The following RFTN1 variants were observed in gnomAD, a reference collection of about 807,000 sequenced individuals.
The protein encoded by RFTN1 is raftlin.
In RFTN1, 26 loss-of-function variants were observed where a neutral mutation model predicts 46.5. That is an observed-to-expected ratio of 0.56 (90% CI 0.41 to 0.78). The LOEUF is 0.78. RFTN1 is among the 30% of genes least tolerant of loss of function. The probability of loss-of-function intolerance (pLI) is 0.00; values close to 1 mark genes in which losing one functional copy is unlikely to be tolerated. For missense variants in RFTN1, 693 were observed against 718.7 expected (o/e 0.96, Z 0.41); for synonymous variants, 261 against 284.2 (o/e 0.92, Z 0.82).
chr3:16,418,430 G>T lies in RFTN1; in HGVS notation c.333-8947C>A, dbSNP rs1430864755. ...ATGTCTTCTTTTTCCCAGGACAACA[G>T]GCAGTTATGAAAAGGAGAGAGAATG... On this transcript the variant is annotated intron_variant, in intron 3 of 9. Coordinates refer to ENST00000334133, the MANE Select transcript of RFTN1 (RefSeq NM_015150.2). This position sits in a 1 kb window ranked among gnomAD's most constrained non-coding sequence, Gnocchi z 5.0. Among the ~76,000 whole-genome samples the T allele has an allele frequency of 6.6e-6, 1 of 152,090 alleles. No individual in the cohort carries two copies. Among genetic ancestry groups the T allele is most frequent in the East Asian group, 1.9e-4 (1 of 5,192 alleles).
chr3:16,349,114 A>T (rs1293883841), intron 7 of RFTN1: 2 of 152,272 alleles, frequency 1.3e-5, no homozygotes, highest in African/African-American at 4.8e-5. Context: ...GGGAAGGGAA[A>T]TGACTTACCT....
At chr3:16,392,623 A>G (rs2074377907) in intron 4 of RFTN1, among the ~76,000 whole-genome samples, 1 of 149,544 alleles carries the variant, frequency 6.7e-6, no homozygotes, top group Admixed American at 6.7e-5. Context: ...ATATATAAGT[A>G]TATATTACTT....
intron 1 of RFTN1, among the ~76,000 whole-genome samples, chr3:16,505,836 C>A (rs2076795551): frequency 6.6e-6 from 1 of 152,204 alleles, no homozygotes; most frequent in South Asian, 2.1e-4. Context: ...CACACTCCTT[C>A]AAGGCTGAGC....
At chr3:16,393,503 T>C (rs751913281) in intron 4 of RFTN1, among the ~76,000 whole-genome samples, 5 of 152,182 alleles carry the variant, frequency 3.3e-5, no homozygotes, top group Non-Finnish European at 5.9e-5. Context: ...TTCTCAAAAA[T>C]GAGGGAATTG....
Position 16,484,492 on chromosome 3 carries a change from A to G in RFTN1, c.145+9233T>C, listed in dbSNP as rs556289559. Reference sequence around the variant, plus strand: ...TGTCGAAGAAAACATCCCGAAAATCAGTTCTTAAAGTCCTCTTAGACAGGA... The same window carrying G: ...TGTCGAAGAAAACATCCCGAAAATCGGTTCTTAAAGTCCTCTTAGACAGGA... On this transcript the variant is annotated intron_variant, in intron 2 of 9. Coordinates refer to ENST00000334133, the MANE Select transcript of RFTN1 (RefSeq NM_015150.2). The surrounding 1 kb of genome is among the most constrained non-coding windows in gnomAD (Gnocchi z 4.6). Among the ~76,000 whole-genome samples the G allele has an allele frequency of 9.2e-5, 14 of 152,348 alleles. No homozygotes were observed. Among genetic ancestry groups the G allele is most frequent in the African/African-American group, 3.4e-4 (14 of 41,584 alleles).
intron 2 of RFTN1, among the ~76,000 whole-genome samples, chr3:16,435,436 G>T (rs1257716612): frequency 6.6e-6 from 1 of 152,108 alleles, no homozygotes; most frequent in African/African-American, 2.4e-5. Context: ...CCGGTGTGGT[G>T]GTGCATGCCT....
chr3:16,451,221 A>G lies in RFTN1; in HGVS notation c.146-17184T>C, dbSNP rs1349103701. 6.6e-6 allele frequency among the ~76,000 whole-genome samples: 1 copy of G among 152,196 alleles called. No individual in the cohort carries two copies. Among genetic ancestry groups the G allele is most frequent in the Non-Finnish European group, 1.5e-5 (1 of 68,030 alleles). On this transcript the variant is annotated intron_variant, in intron 2 of 9. Coordinates refer to ENST00000334133, the MANE Select transcript of RFTN1 (RefSeq NM_015150.2). This position sits in a 1 kb window ranked among gnomAD's most constrained non-coding sequence, Gnocchi z 4.2. ...GAGCAGCCCGAGAGACAAGAAGCAA[A>G]GCAGAAGAGTGCTGTCCTAGAAGTC...
In RFTN1 at chr3:16,324,621, C is replaced by CCCCCCG. The variant is rs957893120; in HGVS notation, c.1251-1165_1251-1164insCGGGGG. ...ATAACAGAATGTCCCTGACCCCCCCCCTTTTAAGGTTGCATAGTATTCCAT... is the reference window on the plus strand; with the variant it reads ...ATAACAGAATGTCCCTGACCCCCCCCCCCCCGCTTTTAAGGTTGCATAGTATTCCAT... On this transcript the variant is annotated intron_variant, in intron 8 of 9. Coordinates refer to ENST00000334133, the MANE Select transcript of RFTN1 (RefSeq NM_015150.2). 2.8e-3 allele frequency among the ~76,000 whole-genome samples: 387 copies of CCCCCCG among 136,544 alleles called. 17 individuals carry two copies. The highest frequency in any genetic ancestry group is 4.4e-3 in the Non-Finnish European group (270 of 61,238). The allele number at this position is 136,544 out of a possible 152,430, so 89.6% of individuals were successfully genotyped here. A position where few individuals can be genotyped will look rare whatever the true frequency, so the allele number is the denominator to read the frequency against.
chr3:16,432,657 C>T (rs890906983), intron 3 of RFTN1, among the ~76,000 whole-genome samples: 11 of 151,332 alleles, frequency 7.3e-5, no homozygotes, highest in East Asian at 3.9e-4. Context: ...GGCAACATAG[C>T]GAGACCTTGT....
rs1185856718 is a variant in RFTN1 at position 16,429,678 on chromosome 3, T to C, written c.332+4173A>G. 2.0e-5 allele frequency among the ~76,000 whole-genome samples: 3 copies of C among 152,200 alleles called. No homozygotes were observed. Among genetic ancestry groups the C allele is most frequent in the Non-Finnish European group, 4.4e-5 (3 of 68,028 alleles). On this transcript the variant is annotated intron_variant, in intron 3 of 9. Transcript: ENST00000334133. The surrounding 1 kb of genome is among the most constrained non-coding windows in gnomAD (Gnocchi z 6.4). ...CTGAAAAGAGTACTCACTCAGCAAG[T>C]GTTAGTGAATGAGTGAGGGGATAAA...
intron 2 of RFTN1, among the ~76,000 whole-genome samples, chr3:16,478,410 G>A (rs2076317115): frequency 6.6e-6 from 1 of 152,198 alleles, no homozygotes; most frequent in Non-Finnish European, 1.5e-5. Flanking sequence ...ATAAGCAGCA[G>A]AGCCAGAATT....
intron 2 of RFTN1, among the ~76,000 whole-genome samples, chr3:16,456,048 A>T (rs9841598): frequency 1.3e-4 from 19 of 151,104 alleles, no homozygotes; most frequent in Non-Finnish European, 2.1e-4. Flanking sequence ...TCTGTGATCA[A>T]GGACAGCAAA....
At chr3:16,445,763 T>C (rs897696693) in intron 2 of RFTN1, among the ~76,000 whole-genome samples, 1 of 152,134 alleles carries the variant, frequency 6.6e-6, no homozygotes, top group Non-Finnish European at 1.5e-5. Flanking sequence ...CATGTGTTTC[T>C]TTTTACCTTT....
At chr3:16,490,682 A>C (rs577148917) in intron 2 of RFTN1, among the ~76,000 whole-genome samples, 7 of 152,380 alleles carry the variant, frequency 4.6e-5, no homozygotes, top group African/African-American at 1.7e-4. Context: ...ATGTGTACAA[A>C]GATTTATGGA....
In RFTN1 at chr3:16,356,581, A is replaced by G. The variant is rs769158019; in HGVS notation, c.1146+1351T>C. ...GTAATAGTGTCCCGGGGGACATCCA[A>G]CTCACCCCCCACCATCCCATCTCCA... is the stretch of plus-strand genomic sequence containing the variant. On this transcript the variant is annotated intron_variant, in intron 7 of 9. Coordinates refer to ENST00000334133, the MANE Select transcript of RFTN1 (RefSeq NM_015150.2). The surrounding 1 kb of genome is among the most constrained non-coding windows in gnomAD (Gnocchi z 4.9). Among the ~76,000 whole-genome samples, 6 of 151,972 alleles carry G rather than the reference A, an allele frequency of 3.9e-5. No homozygotes were observed. Among genetic ancestry groups the G allele is most frequent in the Non-Finnish European group, 7.4e-5 (5 of 67,986 alleles).
intron 6 of RFTN1, 24 bp from the exon 7 acceptor site, chr3:16,358,071 GGT>G (rs972576550): frequency 6.9e-6 from 9 of 1,306,904 alleles, no homozygotes; most frequent in African/African-American, 2.9e-5. Flanking sequence ...AAAAGGCGGG[GGT>G]GGGGGGGGTC....
chr3:16,482,997 T>A, intron 2 of RFTN1: 1 of 613,830 alleles, frequency 1.6e-6, no homozygotes, highest in South Asian at 2.0e-5. Flanking sequence ...CCATCCACCT[T>A]CCCTCCTCCA....
At chr3:16,391,753 G>C (rs564026936) in intron 4 of RFTN1, among the ~76,000 whole-genome samples, 8 of 151,792 alleles carry the variant, frequency 5.3e-5, no homozygotes, top group East Asian at 1.9e-4. Flanking sequence ...ATCAAATAAG[G>C]CTCTTTGATA....
chr3:16,352,921 G>A lies in RFTN1; in HGVS notation c.1146+5011C>T, dbSNP rs547067551. Among the ~76,000 whole-genome samples, 14 of 152,278 alleles carry A rather than the reference G, an allele frequency of 9.2e-5. No homozygotes were observed. The highest frequency in any genetic ancestry group is 5.2e-4 in the Admixed American group (8 of 15,298). On this transcript the variant is annotated intron_variant, in intron 7 of 9. Transcript: ENST00000334133. This position sits in a 1 kb window ranked among gnomAD's most constrained non-coding sequence, Gnocchi z 4.6. ...CTGGAATCTCCGCTGTCTTGCCAAC[G>A]TGCTGCACTGTCCGCACACTACATT...
Sources: allele counts gnomAD v4.1 joint callset (sites outside exome capture counted in the v4.1 genomes callset), GRCh38; gene constraint gnomAD v4.1.1; non-coding constraint Gnocchi (gnomAD v3.1); transcripts MANE v1.5; gene names NCBI Gene and HGNC (gene_info 2026-07-23, HGNC 2026-07-21).